LRRC72: variants seen among roughly 807,000 people sequenced by gnomAD.
LRRC72 encodes leucine-rich repeat-containing protein 72.
Under a neutral mutation model 35.8 loss-of-function variants are expected in LRRC72, and 41 were observed. The ratio of observed to expected loss-of-function variants is 1.15; its 90% CI spans 0.89 to 1.49. The LOEUF is 1.49. Among genes scored for constraint, LRRC72 ranks in the 40% most tolerant of loss-of-function variants. The probability of loss-of-function intolerance (pLI) is 0.00; values close to 1 mark genes in which losing one functional copy is unlikely to be tolerated. For synonymous variants in LRRC72, 118 were observed against 119.2 expected, an observed-to-expected ratio of 0.99 and a Z score of 0.07; for missense variants, 389 against 330.7, an observed-to-expected ratio of 1.18 and a Z score of -1.37.
intron 3 of LRRC72, among the ~76,000 whole-genome samples, chr7:16,539,882 C>A (rs28842018): frequency 6.6e-6 from 1 of 152,184 alleles, no homozygotes; most frequent in Non-Finnish European, 1.5e-5. Context: ...TATGGAAATG[C>A]CTGAATGTCT....
At chr7:16,566,632 T>C (rs1782849414) in intron 6 of LRRC72, among the ~76,000 whole-genome samples, 1 of 152,192 alleles carries the variant, frequency 6.6e-6, no homozygotes. Flanking sequence ...AAAGGCCCTC[T>C]AACTGAGCTG....
At chr7:16,567,997 A>G (rs1462360566) in intron 7 of LRRC72, among the ~76,000 whole-genome samples, 4 of 152,180 alleles carry the variant, frequency 2.6e-5, no homozygotes, top group Non-Finnish European at 4.4e-5. Flanking sequence ...GATTATACTC[A>G]CATACAGGGT....
intron 1 of LRRC72, among the ~76,000 whole-genome samples, chr7:16,531,161 C>T (rs1464465454): frequency 7.0e-6 from 1 of 143,424 alleles, no homozygotes; most frequent in Non-Finnish European, 1.5e-5. Context: ...CCAGCCTGGG[C>T]AACAGAGCAA....
intron 3 of LRRC72, among the ~76,000 whole-genome samples, chr7:16,552,643 G>C (rs1020171030): frequency 6.6e-6 from 1 of 152,170 alleles, no homozygotes; most frequent in Non-Finnish European, 1.5e-5. Context: ...CCACCTAAGA[G>C]GTGGGGAAAA....
intron 3 of LRRC72, among the ~76,000 whole-genome samples, chr7:16,549,334 C>T (rs990098476): frequency 9.2e-5 from 14 of 152,046 alleles, no homozygotes; most frequent in South Asian, 2.1e-4. Flanking sequence ...AATAATTTAT[C>T]GAAAAGATAT....
chr7:16,551,198 T>C (rs1257793466), intron 3 of LRRC72, among the ~76,000 whole-genome samples: 1 of 152,176 alleles, frequency 6.6e-6, no homozygotes, highest in Non-Finnish European at 1.5e-5. Context: ...AGAGATCACA[T>C]GAAGACACCA....
At chr7:16,572,681 C>G (rs1782968847) in intron 7 of LRRC72, among the ~76,000 whole-genome samples, 2 of 152,126 alleles carry the variant, frequency 1.3e-5, no homozygotes, top group African/African-American at 4.8e-5. Context: ...TTATGACAGA[C>G]CCACAGCCAA....
intron 7 of LRRC72, among the ~76,000 whole-genome samples, chr7:16,574,655 G>A (rs1442387012): frequency 1.3e-5 from 2 of 152,076 alleles, no homozygotes; most frequent in South Asian, 4.2e-4. Context: ...TCGGGGGCTG[G>A]AGGGCTGGGG....
chr7:16,559,423 A>G (rs1392072272), intron 5 of LRRC72, among the ~76,000 whole-genome samples: 1 of 152,182 alleles, frequency 6.6e-6, no homozygotes, highest in Admixed American at 6.5e-5. Flanking sequence ...TATTCCTGAA[A>G]ATAAGGCTAG....
intron 3 of LRRC72, among the ~76,000 whole-genome samples, chr7:16,540,848 C>T (rs1309835341): frequency 2.0e-5 from 3 of 152,172 alleles, no homozygotes; most frequent in African/African-American, 7.2e-5. Flanking sequence ...CCATGTGGAA[C>T]TGTGAGTTAA....
chr7:16,575,421 A>C, intron 7 of LRRC72, among the ~76,000 whole-genome samples: 1 of 152,222 alleles, frequency 6.6e-6, no homozygotes, highest in East Asian at 1.9e-4. Flanking sequence ...AAAGCCCTTC[A>C]GATGATTCTG....
chr7:16,537,733 AACT>A (rs1229591923), intron 3 of LRRC72, 37 bp downstream of exon 3: 2 of 1,160,080 alleles, frequency 1.7e-6, no homozygotes, highest in East Asian at 5.3e-5. Context: ...ACTAAAATTA[AACT>A]ACTATCTTAA....
chr7:16,560,052 T>C (rs778987217), intron 5 of LRRC72, among the ~76,000 whole-genome samples: 2 of 152,106 alleles, frequency 1.3e-5, no homozygotes, highest in African/African-American at 2.4e-5. Flanking sequence ...AAACTTATGG[T>C]CTTGAAGGGT....
At chr7:16,561,826 A>T (rs1782748891) in intron 5 of LRRC72, among the ~76,000 whole-genome samples, 1 of 152,232 alleles carries the variant, frequency 6.6e-6, no homozygotes, top group Non-Finnish European at 1.5e-5. Context: ...ATGTCCTCAG[A>T]TTAAGTTTCT....
chr7:16,576,854 T>G (rs538881601), intron 7 of LRRC72, among the ~76,000 whole-genome samples: 1 of 152,296 alleles, frequency 6.6e-6, no homozygotes, highest in Non-Finnish European at 1.5e-5. Context: ...AGCCTGGGCC[T>G]GGCAGGTGAG....
rs376042418 is a variant in LRRC72 at position 16,532,237 on chromosome 7, C to T, written c.91-258C>T. Among the ~76,000 whole-genome samples, 12 of 152,216 alleles carry T rather than the reference C, an allele frequency of 7.9e-5. No individual in the cohort carries two copies. In the East Asian group the frequency reaches 1.9e-3, roughly 24 times the overall value. ...AAAAAAAACTTGCTTTTGGTGTATA[C>T]GTACACATACATATTTTTTTCTCTC... is the stretch of plus-strand genomic sequence containing the variant. On this transcript the variant is annotated intron_variant, in intron 1 of 8. Transcript: ENST00000401542.
At chr7:16,571,774 G>C (rs1375042039) in intron 7 of LRRC72, among the ~76,000 whole-genome samples, 9 of 152,192 alleles carry the variant, frequency 5.9e-5, no homozygotes, top group South Asian at 4.1e-4. Context: ...CGGCCATTTG[G>C]GCAGACACCG....
intron 3 of LRRC72, among the ~76,000 whole-genome samples, chr7:16,544,913 TA>T (rs1439521324): frequency 2.0e-5 from 3 of 152,212 alleles, no homozygotes; most frequent in Non-Finnish European, 4.4e-5. Flanking sequence ...TCAGTTTACA[TA>T]AAAGGACGCT....
chr7:16,539,974 C>G (rs991684276), intron 3 of LRRC72, among the ~76,000 whole-genome samples: 3 of 152,168 alleles, frequency 2.0e-5, no homozygotes, highest in African/African-American at 2.4e-5. Flanking sequence ...GAGGTTGGAG[C>G]CCCCACACAG....
Sources: allele counts gnomAD v4.1 joint callset (sites outside exome capture counted in the v4.1 genomes callset), GRCh38; gene constraint gnomAD v4.1.1; transcripts MANE v1.5; gene names NCBI Gene and HGNC (gene_info 2026-07-23, HGNC 2026-07-21).